Variants in CEACAM21 observed in about 807,000 individuals in gnomAD.
The protein encoded by CEACAM21 is cell adhesion molecule CEACAM21.
Under a neutral mutation model 33.2 loss-of-function variants are expected in CEACAM21, and 38 were observed. That is an observed-to-expected ratio of 1.14 (90% confidence interval 0.88 to 1.50). CEACAM21 has a LOEUF of 1.50. CEACAM21 is among the 40% of genes most tolerant of loss of function. The pLI, the probability that CEACAM21 is intolerant of heterozygous loss-of-function variation, is 0.00. For missense variants in CEACAM21, 385 were observed against 364.6 expected (o/e 1.06, Z -0.46); for synonymous variants, 156 against 143.0 (o/e 1.09, Z -0.65).
intron 1 of CEACAM21, among the ~76,000 whole-genome samples, chr19:41,562,964 G>A (rs889668472): frequency 4.6e-5 from 7 of 152,088 alleles, no homozygotes; most frequent in African/African-American, 9.7e-5. Flanking sequence ...TCCTGACCTC[G>A]TGATCCGCCT....
At chr19:41,555,172 T>C (rs1396850486) in intron 1 of CEACAM21, 1 of 152,056 alleles carries the variant, frequency 6.6e-6, no homozygotes, top group Non-Finnish European at 1.5e-5. Context: ...AGAAATCCCC[T>C]GGCAATTTTT....
intron 3 of CEACAM21, among the ~76,000 whole-genome samples, chr19:41,584,063 T>G: frequency 6.7e-6 from 1 of 148,460 alleles, no homozygotes. Flanking sequence ...GGAAGAGGAG[T>G]GATGTGAGAG....
upstream of CEACAM21, among the ~76,000 whole-genome samples, chr19:41,575,899 A>G (rs962525258): frequency 1.3e-5 from 2 of 152,184 alleles, no homozygotes; most frequent in African/African-American, 2.4e-5. Flanking sequence ...GTGTGTCACA[A>G]AGGGAAATAA....
chr19:41,584,945 G>A (rs555186139), intron 4 of CEACAM21, among the ~76,000 whole-genome samples: 13 of 152,206 alleles, frequency 8.5e-5, no homozygotes, highest in African/African-American at 2.4e-4. Flanking sequence ...CTGGAATGTC[G>A]TTTATGTCTC....
chr19:41,559,070 A>T (rs1199898872), intron 1 of CEACAM21, among the ~76,000 whole-genome samples: 1 of 152,234 alleles, frequency 6.6e-6, no homozygotes, highest in Non-Finnish European at 1.5e-5. Flanking sequence ...GAATCAGTAA[A>T]CATATAGACT....
chr19:41,553,390 C>T (rs2122156397), intron 1 of CEACAM21, among the ~76,000 whole-genome samples: 1 of 152,184 alleles, frequency 6.6e-6, no homozygotes, highest in African/African-American at 2.4e-5. Flanking sequence ...AGGAGTGAGC[C>T]ACTGCACCCG....
intron 1 of CEACAM21, among the ~76,000 whole-genome samples, chr19:41,561,783 C>T (rs1171847483): frequency 6.6e-6 from 1 of 152,088 alleles, no homozygotes; most frequent in Non-Finnish European, 1.5e-5. Context: ...ATAAAGGTAG[C>T]ATTACAGATA....
chr19:41,550,899 T>C (rs2041161271), intron 1 of CEACAM21, among the ~76,000 whole-genome samples: 1 of 152,248 alleles, frequency 6.6e-6, no homozygotes, highest in African/African-American at 2.4e-5. Context: ...GGAATTTATT[T>C]TTATTTCGTA....
chr19:41,585,558 C>T, intron 5 of CEACAM21, 63 bp downstream of exon 5: 3 of 1,545,554 alleles, frequency 1.9e-6, no homozygotes, highest in Non-Finnish European at 2.7e-6. Flanking sequence ...GTTGTCCACT[C>T]CTGCCAGTTA....
chr19:41,560,175 G>GA (rs1555786481), intron 1 of CEACAM21, among the ~76,000 whole-genome samples: 1 of 151,978 alleles, frequency 6.6e-6, no homozygotes, highest in Non-Finnish European at 1.5e-5. Flanking sequence ...CCAGAAAATG[G>GA]AAAAAAGGAA....
At chr19:41,560,713 T>C (rs555769276) in intron 1 of CEACAM21, among the ~76,000 whole-genome samples, 1 of 152,296 alleles carries the variant, frequency 6.6e-6, no homozygotes, top group South Asian at 2.1e-4. Context: ...TTTGGTGACT[T>C]AAAGAAAGTA....
intron 3 of CEACAM21, among the ~76,000 whole-genome samples, chr19:41,582,764 C>A (rs2043509566): frequency 6.6e-6 from 1 of 152,292 alleles, no homozygotes; most frequent in African/African-American, 2.4e-5. Flanking sequence ...AGCAGGGGAG[C>A]CCTGGGCCTG....
intron 1 of CEACAM21, among the ~76,000 whole-genome samples, chr19:41,554,728 C>T (rs1303860895): frequency 6.6e-6 from 1 of 151,998 alleles, no homozygotes; most frequent in Non-Finnish European, 1.5e-5. Flanking sequence ...TAACCCTTTA[C>T]AATTTTTGTT....
At chr19:41,579,786 A>G (rs1435397913) in intron 3 of CEACAM21, among the ~76,000 whole-genome samples, 158 bp downstream of exon 3, 1 of 152,208 alleles carries the variant, frequency 6.6e-6, no homozygotes, top group African/African-American at 2.4e-5. Context: ...TCCAGTTATC[A>G]TCCTGGTTAC....
intron 2 of CEACAM21, among the ~76,000 whole-genome samples, chr19:41,578,668 A>G (rs991487153): frequency 6.6e-6 from 1 of 152,218 alleles, no homozygotes; most frequent in Non-Finnish European, 1.5e-5. Context: ...AGAATTAGTC[A>G]GTTTTTACTT....
chr19:41,562,734 C>CTT (rs59956903), intron 1 of CEACAM21, among the ~76,000 whole-genome samples: 3 of 146,628 alleles, frequency 2.0e-5, no homozygotes, highest in Non-Finnish European at 3.0e-5. Context: ...TTTCTTTTTT[C>CTT]TTTTTTTTTT....
intron 1 of CEACAM21, among the ~76,000 whole-genome samples, chr19:41,560,517 A>T (rs2041818776): frequency 1.3e-5 from 2 of 152,006 alleles, no homozygotes; most frequent in Non-Finnish European, 2.9e-5. Context: ...TATAACTTTG[A>T]CCCCCAAACC....
chr19:41,565,676 C>A (rs1405666990), intron 2 of CEACAM21: 1 of 151,998 alleles, frequency 6.6e-6, no homozygotes, highest in Non-Finnish European at 1.5e-5. Flanking sequence ...AATACAAAAG[C>A]TTTTATATAG....
intron 1 of CEACAM21, 82 bp from the exon 2 acceptor site, chr19:41,577,118 T>C: frequency 5.9e-6 from 9 of 1,524,588 alleles, no homozygotes; most frequent in Non-Finnish European, 8.1e-6. Context: ...GGCTGAGGGG[T>C]GAAGAGACCT....
Sources: gnomAD v4.1 joint callset for allele counts (sites outside exome capture counted in the v4.1 genomes callset) on GRCh38, gnomAD v4.1.1 for gene constraint, MANE v1.5 for transcripts, NCBI Gene and HGNC (gene_info 2026-07-23, HGNC 2026-07-21) for gene names.